Variants in ZBBX observed in about 807,000 individuals in gnomAD.
ZBBX encodes zinc finger B-box domain-containing protein 1.
In ZBBX, 101 loss-of-function variants were observed where a neutral mutation model predicts 108.5. The ratio of observed to expected loss-of-function variants is 0.93; its 90% CI spans 0.79 to 1.10. The LOEUF (loss-of-function observed/expected upper bound fraction) is 1.10, where lower values mean the gene tolerates loss of function less well. Ranked by LOEUF, ZBBX falls within the 50% of genes least tolerant of loss-of-function variation. The probability of loss-of-function intolerance (pLI) is 0.00; values close to 1 mark genes in which losing one functional copy is unlikely to be tolerated. For missense variants in ZBBX, 1,009 were observed against 941.4 expected (o/e 1.07, Z -0.94); for synonymous variants, 356 against 323.4 (o/e 1.10, Z -1.08).
At chr3:167,300,570 A>G (rs894196200) in intron 17 of ZBBX, among the ~76,000 whole-genome samples, 2 of 151,560 alleles carry the variant, frequency 1.3e-5, no homozygotes, top group African/African-American at 2.4e-5. Flanking sequence ...ACAAGAATGT[A>G]TACCAGCCAC....
intron 19 of ZBBX, among the ~76,000 whole-genome samples, chr3:167,284,186 C>A (rs71304621): frequency 0.083 from 9,971 of 120,688 alleles, 434 homozygotes; most frequent in Admixed American, 0.12. Flanking sequence ...AAACATATAT[C>A]TATATCTATA....
At chr3:167,272,909 C>T (rs1726793807) in intron 20 of ZBBX, among the ~76,000 whole-genome samples, 1 of 152,196 alleles carries the variant, frequency 6.6e-6, no homozygotes, top group Non-Finnish European at 1.5e-5. Flanking sequence ...ATTCGTTTTA[C>T]TAAGGAGAGC....
chr3:167,405,969 G>A (rs1748570196), intron 1 of ZBBX, among the ~76,000 whole-genome samples: 1 of 151,766 alleles, frequency 6.6e-6, no homozygotes, highest in Non-Finnish European at 1.5e-5. Flanking sequence ...GGGAGGCTAA[G>A]GCAGGAGAAT....
intron 20 of ZBBX, among the ~76,000 whole-genome samples, chr3:167,258,694 T>G (rs1281140407): frequency 6.6e-6 from 1 of 152,132 alleles, no homozygotes; most frequent in East Asian, 1.9e-4. Flanking sequence ...GGATGCTGGA[T>G]TTTGTTGAAT....
chr3:167,317,452 T>C, intron 13 of ZBBX, 36 bp downstream of exon 13: 2 of 1,496,008 alleles, frequency 1.3e-6, no homozygotes, highest in Non-Finnish European at 1.8e-6. Flanking sequence ...CTTGAGACAA[T>C]ACATTTTAAA....
chr3:167,256,674 G>A (rs1318179527), intron 20 of ZBBX, among the ~76,000 whole-genome samples: 7 of 126,474 alleles, frequency 5.5e-5, no homozygotes, highest in Non-Finnish European at 7.9e-5. Flanking sequence ...ATCTCAATGA[G>A]TTCAATTGTT....
intron 9 of ZBBX, 75 bp from the exon 10 acceptor site, chr3:167,334,060 T>A: frequency 7.0e-6 from 7 of 995,688 alleles, no homozygotes; most frequent in Non-Finnish European, 9.8e-6. Flanking sequence ...TAACTCATAT[T>A]TGTGTTATTC....
chr3:167,256,332 C>T (rs1380770525), intron 20 of ZBBX, among the ~76,000 whole-genome samples: 1 of 151,946 alleles, frequency 6.6e-6, no homozygotes, highest in Admixed American at 6.6e-5. Context: ...GTTGTGGGCA[C>T]ATAGTAGGTG....
At chr3:167,195,959 C>G in the ZBBX span, among the ~76,000 whole-genome samples, 1 of 152,192 alleles carries the variant, frequency 6.6e-6, no homozygotes. Context: ...ACAACATATA[C>G]ACACAGCAAT....
At chr3:167,332,064 T>G (rs185537472) in intron 10 of ZBBX, among the ~76,000 whole-genome samples, 9 of 152,250 alleles carry the variant, frequency 5.9e-5, no homozygotes, top group Admixed American at 2.0e-4. Context: ...GTAAATATTT[T>G]TAAAAATCCA....
the ZBBX span, among the ~76,000 whole-genome samples, chr3:167,226,798 A>T: frequency 1.3e-5 from 2 of 151,662 alleles, no homozygotes; most frequent in Non-Finnish European, 3.0e-5. Flanking sequence ...ATGTGTCTTT[A>T]CTTAACCAAA....
At chr3:167,360,823 C>A in intron 6 of ZBBX, 100 bp from the exon 7 acceptor site, 1 of 563,270 alleles carries the variant, frequency 1.8e-6, no homozygotes, top group South Asian at 4.7e-5. Context: ...TGGTGCTTTT[C>A]GAACAAAAAT....
intron 4 of ZBBX, among the ~76,000 whole-genome samples, chr3:167,372,546 T>C (rs1746318275): frequency 6.6e-6 from 1 of 152,238 alleles, no homozygotes; most frequent in Non-Finnish European, 1.5e-5. Context: ...TAATCCTTAC[T>C]TAACTTTGAA....
the ZBBX span, among the ~76,000 whole-genome samples, chr3:167,210,528 G>T: frequency 6.6e-6 from 1 of 152,094 alleles, no homozygotes; most frequent in Non-Finnish European, 1.5e-5. Context: ...TTCCAAATCT[G>T]GAGAAAGATC....
At chr3:167,371,909 C>T (rs141248178) in intron 4 of ZBBX, among the ~76,000 whole-genome samples, 2,133 of 152,172 alleles carry the variant, frequency 0.014, 38 homozygotes, top group African/African-American at 0.048. Flanking sequence ...AACTCAGAAA[C>T]TCCAATTAAA....
At chr3:167,321,027 T>C (rs935114859) in intron 12 of ZBBX, among the ~76,000 whole-genome samples, 4 of 151,984 alleles carry the variant, frequency 2.6e-5, no homozygotes, top group African/African-American at 7.2e-5. Context: ...TAAGGTAAAA[T>C]GTACAGTTCT....
intron 20 of ZBBX, among the ~76,000 whole-genome samples, chr3:167,269,547 A>G (rs1279922190): frequency 1.3e-5 from 2 of 152,326 alleles, no homozygotes; most frequent in South Asian, 2.1e-4. Context: ...TCAGATTCCC[A>G]CAATCCACAT....
chr3:167,373,112 C>A, intron 3 of ZBBX, 162 bp from the exon 4 acceptor site: 1 of 433,102 alleles, frequency 2.3e-6, no homozygotes, highest in Non-Finnish European at 4.1e-6. Context: ...GCCCTTTGTC[C>A]CCTTCAGCCA....
At chr3:167,353,812 A>C (rs1340233666) in intron 8 of ZBBX, among the ~76,000 whole-genome samples, 1 of 152,056 alleles carries the variant, frequency 6.6e-6, no homozygotes, top group African/African-American at 2.4e-5. Flanking sequence ...GTCCAGAGTC[A>C]TACAAGCTAA....
Sources: allele counts gnomAD v4.1 joint callset (sites outside exome capture counted in the v4.1 genomes callset), GRCh38; gene constraint gnomAD v4.1.1; transcripts MANE v1.5; gene names NCBI Gene and HGNC (gene_info 2026-07-23, HGNC 2026-07-21).